Variants in POLR3B observed in about 807,000 individuals in gnomAD.
POLR3B encodes the protein DNA-directed RNA polymerase III subunit RPC2.
Under a neutral mutation model 147.4 loss-of-function variants are expected in POLR3B, and 96 were observed. The ratio of observed to expected loss-of-function variants is 0.65; its 90% CI spans 0.55 to 0.77. The LOEUF (loss-of-function observed/expected upper bound fraction) is 0.77. Ranked by LOEUF, POLR3B falls within the 30% of genes least tolerant of loss-of-function variation. The pLI, the probability that POLR3B is intolerant of heterozygous loss-of-function variation, is 0.00. For synonymous variants in POLR3B, 461 were observed against 485.9 expected (o/e 0.95, Z 0.67); for missense variants, 1,036 against 1,413.5 (o/e 0.73, Z 4.28).
intron 25 of POLR3B, chr12:106,500,060 C>T: frequency 4.4e-6 from 2 of 455,936 alleles, no homozygotes; most frequent in South Asian, 3.1e-5. Flanking sequence ...GCACCACTCA[C>T]CAGTTCTTAT....
chr12:106,432,639 A>G (rs1248507118), intron 15 of POLR3B, among the ~76,000 whole-genome samples, 159 bp downstream of exon 15: 1 of 152,194 alleles, frequency 6.6e-6, no homozygotes, highest in Non-Finnish European at 1.5e-5. Flanking sequence ...AGAAACAGTT[A>G]CTTTGTTGGC....
intron 13 of POLR3B, 67 bp from the exon 14 acceptor site, chr12:106,430,206 G>T: frequency 8.3e-7 from 1 of 1,209,224 alleles, no homozygotes; most frequent in South Asian, 1.2e-5. Flanking sequence ...TTCTTGGAGT[G>T]ACCGCACGGT....
At chr12:106,455,719 A>C in intron 20 of POLR3B, among the ~76,000 whole-genome samples, 1 of 152,212 alleles carries the variant, frequency 6.6e-6, no homozygotes, top group Non-Finnish European at 1.5e-5. Context: ...TACTGTATGA[A>C]ATTTCAAGAT....
chr12:106,407,476 G>T (rs879796929), intron 11 of POLR3B, among the ~76,000 whole-genome samples: 1 of 152,100 alleles, frequency 6.6e-6, no homozygotes, highest in African/African-American at 2.4e-5. Flanking sequence ...AAGAATGTTG[G>T]GTTAATTAAA....
intron 23 of POLR3B, among the ~76,000 whole-genome samples, chr12:106,492,159 T>A (rs2038415128): frequency 6.6e-6 from 1 of 152,216 alleles, no homozygotes; most frequent in African/African-American, 2.4e-5. Context: ...TCTTCTTTTC[T>A]TACCTTTTTT....
intron 10 of POLR3B, among the ~76,000 whole-genome samples, chr12:106,399,448 C>T (rs1283068676): frequency 1.3e-5 from 2 of 152,074 alleles, no homozygotes; most frequent in African/African-American, 4.8e-5. Flanking sequence ...CAAGGCAGGC[C>T]AACATTCAAA....
chr12:106,446,420 A>C, intron 19 of POLR3B: 1 of 228,948 alleles, frequency 4.4e-6, no homozygotes, highest in Non-Finnish European at 8.8e-6. Flanking sequence ...CTCCCCACAA[A>C]AAAAAAAAAA....
intron 9 of POLR3B, among the ~76,000 whole-genome samples, chr12:106,387,748 T>C (rs1593011972): frequency 2.0e-5 from 3 of 152,314 alleles, no homozygotes; most frequent in South Asian, 2.1e-4. Context: ...TCTGCACTTA[T>C]TAGTTATGTG....
At chr12:106,470,107 C>G (rs2038069387) in intron 23 of POLR3B, among the ~76,000 whole-genome samples, 1 of 152,180 alleles carries the variant, frequency 6.6e-6, no homozygotes. Flanking sequence ...TAGATTTGGT[C>G]TTTTCACGTA....
intron 1 of POLR3B, among the ~76,000 whole-genome samples, chr12:106,360,374 TC>T (rs2036454019): frequency 6.6e-6 from 1 of 152,100 alleles, no homozygotes; most frequent in African/African-American, 2.4e-5. Flanking sequence ...CCCCTCTCCC[TC>T]CCCTGAGATC....
At chr12:106,451,770 C>A (rs763269003) in intron 19 of POLR3B, among the ~76,000 whole-genome samples, 3 of 151,984 alleles carry the variant, frequency 2.0e-5, no homozygotes, top group Non-Finnish European at 4.4e-5. Flanking sequence ...CCTTCCTTAC[C>A]AAGCTTTTTC....
At chr12:106,365,688 G>A (rs1033715209) in intron 2 of POLR3B, among the ~76,000 whole-genome samples, 4 of 151,838 alleles carry the variant, frequency 2.6e-5, no homozygotes, top group Non-Finnish European at 4.4e-5. Context: ...GTGTAACCCC[G>A]TTTCTACTAA....
At chr12:106,468,436 G>T (rs773030674) in intron 23 of POLR3B, among the ~76,000 whole-genome samples, 1 of 152,070 alleles carries the variant, frequency 6.6e-6, no homozygotes, top group Admixed American at 6.6e-5. Flanking sequence ...ACAGGTTTTT[G>T]TGTCTCTATC....
At chr12:106,496,986 T>G (rs1430476075) in intron 25 of POLR3B, 68 bp downstream of exon 25, 2 of 1,451,120 alleles carry the variant, frequency 1.4e-6, no homozygotes, top group Non-Finnish European at 9.6e-7. Flanking sequence ...GACAAAGCCT[T>G]AAGGTATACT....
intron 6 of POLR3B, among the ~76,000 whole-genome samples, chr12:106,370,879 G>A (rs554215277): frequency 3.3e-5 from 5 of 152,082 alleles, no homozygotes; most frequent in East Asian, 1.9e-4. Flanking sequence ...TGATCCGCCC[G>A]CCTTGGACTC....
intron 23 of POLR3B, among the ~76,000 whole-genome samples, chr12:106,493,138 C>G (rs1448962660): frequency 6.6e-6 from 1 of 152,158 alleles, no homozygotes; most frequent in Non-Finnish European, 1.5e-5. Flanking sequence ...CAACAGCTTC[C>G]ATTAGATATG....
intron 10 of POLR3B, among the ~76,000 whole-genome samples, chr12:106,394,402 T>C (rs2036954746): frequency 1.3e-5 from 2 of 152,066 alleles, no homozygotes; most frequent in South Asian, 2.1e-4. Flanking sequence ...TGTCCAAGGG[T>C]TCCAAGAACA....
intron 6 of POLR3B, among the ~76,000 whole-genome samples, chr12:106,373,416 G>C (rs557367236): frequency 6.6e-6 from 1 of 151,768 alleles, no homozygotes; most frequent in East Asian, 1.9e-4. Context: ...GCTTTCTTTT[G>C]GTTATATTTC....
intron 4 of POLR3B, among the ~76,000 whole-genome samples, chr12:106,368,443 CGA>C (rs1053823219): frequency 6.6e-6 from 1 of 151,954 alleles, no homozygotes; most frequent in African/African-American, 2.4e-5. Context: ...AATTTCAGTT[CGA>C]CACTGCAGGA....
Sources: gnomAD v4.1 joint callset for allele counts (sites outside exome capture counted in the v4.1 genomes callset) on GRCh38, gnomAD v4.1.1 for gene constraint, MANE v1.5 for transcripts, NCBI Gene and HGNC (gene_info 2026-07-23, HGNC 2026-07-21) for gene names.